YTHDC2: variants seen among roughly 807,000 people sequenced by gnomAD.
YTHDC2 encodes YTH N6-methyladenosine RNA binding protein C2.
Under a neutral mutation model 174.9 loss-of-function variants are expected in YTHDC2, and 45 were observed. That is an observed-to-expected ratio of 0.26 (90% CI 0.20 to 0.33). The LOEUF (loss-of-function observed/expected upper bound fraction) is 0.33. Among genes scored for constraint, YTHDC2 ranks in the 10% least tolerant of loss-of-function variants. YTHDC2 has a pLI of 1.00. For synonymous variants in YTHDC2, 657 were observed against 574.5 expected, an observed-to-expected ratio of 1.14 and a Z score of -2.05; for missense variants, 1,650 against 1,723.7, an observed-to-expected ratio of 0.96 and a Z score of 0.76.
At chr5:113,586,386 G>C (rs566174215) in intron 26 of YTHDC2, among the ~76,000 whole-genome samples, 23 of 151,898 alleles carry the variant, frequency 1.5e-4, no homozygotes, top group African/African-American at 5.3e-4. Flanking sequence ...TGAGTTGTAA[G>C]AGTTTTCTGT....
At chr5:113,539,359 C>A (rs1775294487) in intron 8 of YTHDC2, among the ~76,000 whole-genome samples, 178 bp downstream of exon 8, 1 of 151,938 alleles carries the variant, frequency 6.6e-6, no homozygotes, top group Admixed American at 6.6e-5. Context: ...TGGTTTGTGT[C>A]CAGAAGTTAT....
chr5:113,541,836 A>G (rs1441765897), intron 9 of YTHDC2, among the ~76,000 whole-genome samples: 2 of 152,086 alleles, frequency 1.3e-5, no homozygotes, highest in Non-Finnish European at 2.9e-5. Context: ...AACACATGCT[A>G]TATAAAAAAA....
At position 113,591,992 on chromosome 5, in the gene YTHDC2, A is replaced by G. The variant is rs1177991090; in HGVS notation, c.4030-4A>G. The G allele has an allele frequency of 1.3e-6, 2 of 1,599,726 alleles. No homozygotes were observed. Among genetic ancestry groups the G allele is most frequent in the Non-Finnish European group, 1.7e-6 (2 of 1,172,534 alleles). ...TCTATTCCTTCCTCCCATTTTACCT[A>G]CAGGGATTTTCTAGGATGTCTTCTG... On this transcript the variant is annotated splice_region_variant and splice_polypyrimidine_tract_variant and intron_variant, in intron 27 of 29. Coordinates refer to ENST00000161863, the MANE Select transcript of YTHDC2 (RefSeq NM_022828.5).
chr5:113,584,773 CT>C (rs34217644), intron 26 of YTHDC2, among the ~76,000 whole-genome samples: 9,073 of 95,478 alleles, frequency 0.095, 75 homozygotes, highest in African/African-American at 0.13. Context: ...CTTTCGAATC[CT>C]TTTTTTTTTT....
chr5:113,531,359 C>G (rs990126589), intron 4 of YTHDC2, among the ~76,000 whole-genome samples: 12 of 152,084 alleles, frequency 7.9e-5, no homozygotes, highest in African/African-American at 2.7e-4. Context: ...GTCCCATCAG[C>G]CAGCGAAGCT....
chr5:113,541,077 C>T lies in YTHDC2; in HGVS notation c.1320C>T (p.Asp440=). ...RTVLNVTDEY[D]LLDDGGDAVF... is the part of the protein sequence containing the mutation. The stretch of plus-strand genomic sequence containing the variant: ...TTCTAAATGTGACTGATGAGTATGA[C>T]TTACTGGATGATGGTGGTGATGCTG... Residue 440 remains aspartate, a synonymous_variant, in exon 9 of 30, where the codon GAC becomes GAT. Coordinates refer to ENST00000161863, the MANE Select transcript of YTHDC2 (RefSeq NM_022828.5). 2 of 1,614,094 alleles carry T rather than the reference C, an allele frequency of 1.2e-6. No homozygotes were observed. Among genetic ancestry groups the T allele is most frequent in the Non-Finnish European group, 8.5e-7 (1 of 1,180,020 alleles).
chr5:113,560,981 T>G (rs1359804150), intron 17 of YTHDC2, 99 bp from the exon 18 acceptor site: 1 of 1,006,086 alleles, frequency 9.9e-7, no homozygotes, highest in African/African-American at 1.7e-5. Context: ...GGTATCCTGA[T>G]CCTGGATCAT....
intron 12 of YTHDC2, among the ~76,000 whole-genome samples, chr5:113,551,214 T>TGG (rs1221668696): frequency 3.9e-5 from 6 of 152,188 alleles, no homozygotes; most frequent in Admixed American, 3.3e-4. Context: ...ACCCAGAACT[T>TGG]GCAGTCCTTT....
chr5:113,569,929 A>G (rs552467093), intron 23 of YTHDC2, among the ~76,000 whole-genome samples: 66 of 152,234 alleles, frequency 4.3e-4, no homozygotes, highest in African/African-American at 1.5e-3. Flanking sequence ...TCTGGGCAGT[A>G]TGGCCATTTT....
At chr5:113,536,610 G>A (rs925355245) in intron 7 of YTHDC2, among the ~76,000 whole-genome samples, 1 of 152,078 alleles carries the variant, frequency 6.6e-6, no homozygotes, top group Non-Finnish European at 1.5e-5. Flanking sequence ...GTTCACAATT[G>A]CCCCTATCCT....
intron 26 of YTHDC2, among the ~76,000 whole-genome samples, chr5:113,586,474 C>CT (rs1778686372): frequency 6.6e-6 from 1 of 151,728 alleles, no homozygotes; most frequent in Non-Finnish European, 1.5e-5. Context: ...TTTCCATTTC[C>CT]TTAACAGTGC....
At chr5:113,543,461 A>G (rs900850276) in intron 10 of YTHDC2, among the ~76,000 whole-genome samples, 10 of 152,178 alleles carry the variant, frequency 6.6e-5, no homozygotes, top group Admixed American at 2.6e-4. Context: ...CCCCTACTGT[A>G]CATTTCACTC....
intron 6 of YTHDC2, among the ~76,000 whole-genome samples, chr5:113,535,377 G>A (rs773471428): frequency 1.3e-5 from 2 of 151,948 alleles, no homozygotes; most frequent in African/African-American, 4.8e-5. Flanking sequence ...AGGGACTTGA[G>A]CATCCATGAA....
Position 113,535,638 on chromosome 5 carries a change from A to C in YTHDC2, c.946-4A>C. ...TTCCATGGTTTTATTTCTGTTTACT[A>C]TAGGATGAAGTGCATGAAAGGGATC... On this transcript the variant is annotated splice_region_variant and splice_polypyrimidine_tract_variant and intron_variant, in intron 6 of 29. Coordinates refer to ENST00000161863, the MANE Select transcript of YTHDC2 (RefSeq NM_022828.5). 1 of 1,602,616 alleles carries C rather than the reference A, an allele frequency of 6.2e-7. No homozygotes were observed. Among genetic ancestry groups the C allele is most frequent in the Non-Finnish European group, 8.5e-7 (1 of 1,175,820 alleles).
chr5:113,580,467 C>A (rs183296687), intron 24 of YTHDC2, among the ~76,000 whole-genome samples: 2 of 152,226 alleles, frequency 1.3e-5, no homozygotes, highest in Non-Finnish European at 1.5e-5. Flanking sequence ...ATTTTCATGA[C>A]AAAGCCTCCC....
rs1317806711 is a variant in YTHDC2 at position 113,545,899 on chromosome 5, C to A, written c.1496-2642C>A. Among the ~76,000 whole-genome samples the A allele has an allele frequency of 4.1e-5, 4 of 97,744 alleles. 2 individuals are homozygous for A. In the Admixed American group the frequency reaches 4.3e-4, roughly 11 times the overall value. The allele number at this position is 97,744 out of a possible 152,430, so 64.1% of individuals were successfully genotyped here. ...GGGACTACAGGCGCCCGCCACTACGCCCGGCTAATTTTTTGTATTTTTAGT... is the reference window on the plus strand; with the variant it reads ...GGGACTACAGGCGCCCGCCACTACGACCGGCTAATTTTTTGTATTTTTAGT... On this transcript the variant is annotated intron_variant, in intron 10 of 29. Coordinates refer to ENST00000161863, the MANE Select transcript of YTHDC2 (RefSeq NM_022828.5).
intron 2 of YTHDC2, among the ~76,000 whole-genome samples, chr5:113,521,648 T>A (rs1311024919): frequency 6.6e-6 from 1 of 151,554 alleles, no homozygotes; most frequent in African/African-American, 2.4e-5. Context: ...GGAGAACTGC[T>A]TGAACCCAGG....
intron 8 of YTHDC2, among the ~76,000 whole-genome samples, chr5:113,540,695 C>T (rs1775394495): frequency 6.6e-6 from 1 of 152,170 alleles, no homozygotes; most frequent in Non-Finnish European, 1.5e-5. Context: ...CCAGGTCTTT[C>T]CCTCAACACC....
At chr5:113,586,514 A>G (rs1017976184) in intron 26 of YTHDC2, among the ~76,000 whole-genome samples, 1 of 151,710 alleles carries the variant, frequency 6.6e-6, no homozygotes, top group Non-Finnish European at 1.5e-5. Context: ...TTTAATTTTG[A>G]TGGAGTCCAT....
Sources: allele counts gnomAD v4.1 joint callset (sites outside exome capture counted in the v4.1 genomes callset), GRCh38; gene constraint gnomAD v4.1.1; transcripts MANE v1.5; gene names NCBI Gene and HGNC (gene_info 2026-07-23, HGNC 2026-07-21).